CTNNA3: variants seen among roughly 807,000 people sequenced by gnomAD.
CTNNA3 encodes the protein catenin alpha 3.
Under a neutral mutation model 95.7 loss-of-function variants are expected in CTNNA3, and 76 were observed. The ratio of observed to expected loss-of-function variants is 0.79; its 90% CI spans 0.66 to 0.96. The LOEUF is 0.96. Ranked by LOEUF, CTNNA3 falls within the 40% of genes least tolerant of loss-of-function variation. The pLI is 0.00. For synonymous variants in CTNNA3, 431 were observed against 374.4 expected, an observed-to-expected ratio of 1.15 and a Z score of -1.74; for missense variants, 1,191 against 1,089.8, an observed-to-expected ratio of 1.09 and a Z score of -1.31.
intron 1 of CTNNA3, among the ~76,000 whole-genome samples, chr10:67,711,175 G>C (rs1240286031): frequency 6.6e-6 from 1 of 152,088 alleles, no homozygotes; most frequent in Non-Finnish European, 1.5e-5. Context: ...CCCAGTATTG[G>C]GTATGTCTTT....
intron 3 of CTNNA3, among the ~76,000 whole-genome samples, chr10:67,578,836 C>G (rs1842261091): frequency 6.6e-6 from 1 of 151,630 alleles, no homozygotes; most frequent in South Asian, 2.1e-4. Context: ...GAGTTTGTAT[C>G]ATGATGGGAT....
intron 5 of CTNNA3, among the ~76,000 whole-genome samples, chr10:67,335,939 T>C (rs1841980453): frequency 6.6e-6 from 1 of 152,076 alleles, no homozygotes; most frequent in African/African-American, 2.4e-5. Context: ...TGTCAACTGC[T>C]ATTTTTCCAA....
chr10:67,682,791 C>G (rs569015529), intron 1 of CTNNA3, among the ~76,000 whole-genome samples: 1 of 152,158 alleles, frequency 6.6e-6, no homozygotes, highest in South Asian at 2.1e-4. Context: ...TCATTGCACA[C>G]AGCAACAGGA....
intron 5 of CTNNA3, among the ~76,000 whole-genome samples, chr10:67,350,835 C>A (rs1842603805): frequency 6.8e-6 from 1 of 147,864 alleles, no homozygotes; most frequent in African/African-American, 2.5e-5. Context: ...CCCAAAAATC[C>A]TACTTCTAGG....
At chr10:67,358,246 G>A (rs1031944559) in intron 5 of CTNNA3, among the ~76,000 whole-genome samples, 5 of 151,990 alleles carry the variant, frequency 3.3e-5, no homozygotes, top group Admixed American at 1.3e-4. Flanking sequence ...AGCAGGGCAC[G>A]AAACTATAAA....
At chr10:67,573,577 G>T (rs774633799) in intron 3 of CTNNA3, among the ~76,000 whole-genome samples, 17 of 151,980 alleles carry the variant, frequency 1.1e-4, no homozygotes, top group Non-Finnish European at 2.2e-4. Context: ...ATTTGTAAAA[G>T]CTGAAAAGAA....
intron 5 of CTNNA3, among the ~76,000 whole-genome samples, chr10:67,332,972 C>T (rs903775999): frequency 2.0e-5 from 3 of 152,142 alleles, no homozygotes; most frequent in Non-Finnish European, 4.4e-5. Context: ...CCCTATGATT[C>T]ACACAGTCAA....
At chr10:67,361,662 C>T (rs1032073084) in intron 5 of CTNNA3, among the ~76,000 whole-genome samples, 4 of 152,024 alleles carry the variant, frequency 2.6e-5, no homozygotes, top group African/African-American at 9.7e-5. Flanking sequence ...ATGCCTACAT[C>T]AAAAAGTCAG....
At chr10:66,363,796 T>G (rs1374394289) in intron 12 of CTNNA3, among the ~76,000 whole-genome samples, 1 of 152,176 alleles carries the variant, frequency 6.6e-6, no homozygotes, top group African/African-American at 2.4e-5. Context: ...TCTAACCAAG[T>G]ATTGCTTTAC....
intron 1 of CTNNA3, among the ~76,000 whole-genome samples, chr10:67,719,391 T>C (rs1841164624): frequency 6.6e-6 from 1 of 152,174 alleles, no homozygotes; most frequent in Non-Finnish European, 1.5e-5. Context: ...ATTGTGATGT[T>C]AGGGTATCAA....
intron 12 of CTNNA3, among the ~76,000 whole-genome samples, chr10:66,346,246 T>TATATAGAGAGAGAGAG (rs1416945569): frequency 1.1e-4 from 3 of 27,786 alleles, no homozygotes; most frequent in Non-Finnish European, 1.5e-4. Context: ...TATATATATA[T>TATATAGAGAGAGAGAG]AGAGAGAGAG....
chr10:66,133,262 C>T (rs528055183), intron 13 of CTNNA3, among the ~76,000 whole-genome samples: 2 of 152,194 alleles, frequency 1.3e-5, no homozygotes, highest in Non-Finnish European at 2.9e-5. Flanking sequence ...TGCCTGTAAT[C>T]CCAGCACTTT....
At chr10:67,593,650 C>A (rs1842847916) in intron 3 of CTNNA3, among the ~76,000 whole-genome samples, 1 of 152,088 alleles carries the variant, frequency 6.6e-6, no homozygotes, top group Non-Finnish European at 1.5e-5. Context: ...GGTCTAGGAG[C>A]CTCTGGGCAG....
intron 7 of CTNNA3, among the ~76,000 whole-genome samples, chr10:67,009,326 AT>A (rs1383098493): frequency 1.5e-4 from 22 of 151,362 alleles, no homozygotes; most frequent in African/African-American, 5.1e-4. Flanking sequence ...ATTTTATGGG[AT>A]TTTTTTCAAA....
intron 9 of CTNNA3, among the ~76,000 whole-genome samples, chr10:66,725,153 G>A (rs548642690): frequency 6.6e-6 from 1 of 152,052 alleles, no homozygotes; most frequent in Admixed American, 6.6e-5. Context: ...GGAAAAGTTT[G>A]TACATGTTCA....
chr10:67,120,651 G>A (rs1859415213), intron 7 of CTNNA3, among the ~76,000 whole-genome samples: 1 of 152,002 alleles, frequency 6.6e-6, no homozygotes. Flanking sequence ...ATGACAAGGA[G>A]AGTTACAAAA....
At chr10:66,621,605 G>GAA in intron 10 of CTNNA3, 87 bp downstream of exon 10, 1 of 616,950 alleles carries the variant, frequency 1.6e-6, no homozygotes, top group Non-Finnish European at 2.5e-6. Context: ...AAAAAAAAAA[G>GAA]AAAAAAAAAT....
chr10:67,425,734 G>A (rs527840181), intron 5 of CTNNA3, among the ~76,000 whole-genome samples: 30 of 152,078 alleles, frequency 2.0e-4, no homozygotes, highest in African/African-American at 6.7e-4. Flanking sequence ...AATCACAGAG[G>A]GGTCTTTTGC....
chr10:66,144,238 A>G (rs1010668930), intron 13 of CTNNA3, among the ~76,000 whole-genome samples: 5 of 152,214 alleles, frequency 3.3e-5, no homozygotes, highest in African/African-American at 1.2e-4. Flanking sequence ...CTTAAATTGA[A>G]ATCAGATTAC....
Sources: allele counts gnomAD v4.1 joint callset (sites outside exome capture counted in the v4.1 genomes callset), GRCh38; gene constraint gnomAD v4.1.1; transcripts MANE v1.5; gene names NCBI Gene and HGNC (gene_info 2026-07-23, HGNC 2026-07-21).